Variants in CCDC148 observed in about 807,000 individuals in gnomAD.
CCDC148 encodes coiled-coil domain containing 148.
In CCDC148, 89 loss-of-function variants were observed where a neutral mutation model predicts 85.7. That is an observed-to-expected ratio of 1.04 (90% confidence interval 0.87 to 1.24). The LOEUF is 1.24. CCDC148 is among the 50% of genes most tolerant of loss of function. CCDC148 has a pLI of 0.00. For missense variants in CCDC148, 692 were observed against 671.7 expected, an observed-to-expected ratio of 1.03 and a Z score of -0.33; for synonymous variants, 230 against 213.9, an observed-to-expected ratio of 1.08 and a Z score of -0.66.
intron 10 of CCDC148, among the ~76,000 whole-genome samples, chr2:158,242,088 A>T (rs900483755): frequency 4.6e-5 from 7 of 152,054 alleles, no homozygotes; most frequent in Non-Finnish European, 7.4e-5. Flanking sequence ...TTCTTACTTG[A>T]CCTTTCAATG....
intron 12 of CCDC148, among the ~76,000 whole-genome samples, chr2:158,177,620 A>T (rs1169887789): frequency 6.6e-6 from 1 of 152,168 alleles, no homozygotes; most frequent in African/African-American, 2.4e-5. Flanking sequence ...AGTAATAGTG[A>T]CATTAAGTCT....
intron 7 of CCDC148, among the ~76,000 whole-genome samples, chr2:158,326,467 G>A (rs1000704448): frequency 7.2e-5 from 11 of 152,110 alleles, no homozygotes; most frequent in East Asian, 1.9e-4. Context: ...ATGAGTACAC[G>A]AATTTTTGTA....
At chr2:158,236,943 G>C (rs1242999395) in intron 10 of CCDC148, among the ~76,000 whole-genome samples, 1 of 152,094 alleles carries the variant, frequency 6.6e-6, no homozygotes, top group Non-Finnish European at 1.5e-5. Context: ...CAAGTGCTAA[G>C]GAAAAAATGA....
At chr2:158,226,725 T>C (rs1289771528) in intron 10 of CCDC148, among the ~76,000 whole-genome samples, 1 of 152,190 alleles carries the variant, frequency 6.6e-6, no homozygotes, top group Non-Finnish European at 1.5e-5. Flanking sequence ...TCTCAATAGA[T>C]GCAGAAAAGG....
chr2:158,351,294 G>A (rs555457375), intron 2 of CCDC148, among the ~76,000 whole-genome samples: 19 of 152,280 alleles, frequency 1.2e-4, no homozygotes, highest in African/African-American at 2.2e-4. Context: ...CGCAGAAGAC[G>A]GGTGATTTCT....
intron 1 of CCDC148, among the ~76,000 whole-genome samples, chr2:158,367,515 T>C (rs1249192659): frequency 6.6e-6 from 1 of 152,180 alleles, no homozygotes; most frequent in African/African-American, 2.4e-5. Flanking sequence ...TTTTGCAGAT[T>C]CCCTTTTGGC....
chr2:158,184,425 G>C (rs1372165462), intron 11 of CCDC148, among the ~76,000 whole-genome samples: 1 of 152,058 alleles, frequency 6.6e-6, no homozygotes, highest in Non-Finnish European at 1.5e-5. Context: ...TTATAATAGT[G>C]GGGGGAAATA....
chr2:158,322,419 T>C (rs568514395), intron 7 of CCDC148, among the ~76,000 whole-genome samples: 44 of 152,210 alleles, frequency 2.9e-4, no homozygotes, highest in Middle Eastern at 3.4e-3. Context: ...TGGATATGAT[T>C]CAAAACAGGA....
rs1469758169 is a variant in CCDC148, at chr2:158,373,589, G to C, written c.26-15019C>G. On this transcript the variant is annotated intron_variant, in intron 1 of 13. Coordinates refer to ENST00000283233, the MANE Select transcript of CCDC148 (RefSeq NM_138803.4). The stretch of plus-strand genomic sequence containing the variant: ...ACAGAGATGATCTTTCCTTTCCCTT[G>C]TACTACTATTACACTTTGTGTTTGC... 2.0e-5 allele frequency among the ~76,000 whole-genome samples: 3 copies of C among 151,864 alleles called. No individual in the cohort carries two copies. In the East Asian group the frequency reaches 5.8e-4, roughly 29 times the overall value.
chr2:158,295,174 G>T (rs1051126074), intron 9 of CCDC148, among the ~76,000 whole-genome samples: 10 of 152,050 alleles, frequency 6.6e-5, no homozygotes, highest in Non-Finnish European at 1.3e-4. Flanking sequence ...ACTAAACCAG[G>T]AAGAAGTTGA....
chr2:158,222,205 T>C (rs1687221194), intron 10 of CCDC148, among the ~76,000 whole-genome samples: 1 of 152,180 alleles, frequency 6.6e-6, no homozygotes. Flanking sequence ...TAATACTTCC[T>C]TACTCCCAGC....
intron 1 of CCDC148, among the ~76,000 whole-genome samples, chr2:158,364,889 G>GA (rs935510177): frequency 5.3e-5 from 8 of 151,940 alleles, no homozygotes; most frequent in Admixed American, 6.6e-5. Flanking sequence ...TACAGAATGG[G>GA]AAAAAAATTT....
At chr2:158,276,944 C>A (rs1371046366) in intron 9 of CCDC148, among the ~76,000 whole-genome samples, 1 of 152,162 alleles carries the variant, frequency 6.6e-6, no homozygotes, top group Non-Finnish European at 1.5e-5. Context: ...AACTGCCCAG[C>A]TAATACTAGA....
chr2:158,425,716 GCC>G (rs1687045829), intron 1 of CCDC148, among the ~76,000 whole-genome samples: 1 of 152,116 alleles, frequency 6.6e-6, no homozygotes, highest in African/African-American at 2.4e-5. Context: ...TAAATAGCCA[GCC>G]ACAGTGACAC....
rs1292138100 is a variant in CCDC148, at chr2:158,284,195, A to T, written c.1110+25238T>A. Among the ~76,000 whole-genome samples the T allele has an allele frequency of 3.6e-5, 5 of 137,872 alleles. No homozygotes were observed. In the East Asian group the frequency reaches 1.1e-3, roughly 30 times the overall value. The allele number at this position is 137,872 out of a possible 152,430, so 90.4% of individuals were successfully genotyped here. On this transcript the variant is annotated intron_variant, in intron 9 of 13. Transcript: ENST00000283233. Reference sequence around the variant, plus strand: ...ATGCTAGATGACGAGTTAGTGGGTGAAGCGCACCAGCATGTCACATGTATA... The same window carrying T: ...ATGCTAGATGACGAGTTAGTGGGTGTAGCGCACCAGCATGTCACATGTATA...
At chr2:158,283,295 A>G (rs1222256692) in intron 9 of CCDC148, among the ~76,000 whole-genome samples, 2 of 152,312 alleles carry the variant, frequency 1.3e-5, no homozygotes, top group South Asian at 2.1e-4. Context: ...TAATTAAACT[A>G]AAGAGCTTCT....
chr2:158,312,593 AAAAACC>A (rs1692084744), intron 8 of CCDC148, among the ~76,000 whole-genome samples: 1 of 150,616 alleles, frequency 6.6e-6, no homozygotes, highest in South Asian at 2.1e-4. Flanking sequence ...AAAAAAAAAA[AAAAACC>A]AAAAAACAAA....
chr2:158,347,987 G>A (rs1458082964), intron 2 of CCDC148, among the ~76,000 whole-genome samples: 1 of 152,034 alleles, frequency 6.6e-6, no homozygotes, highest in Non-Finnish European at 1.5e-5. Flanking sequence ...AACACTGTGA[G>A]GCTACAGAAA....
At chr2:158,434,659 C>T (rs968394887) in intron 1 of CCDC148, among the ~76,000 whole-genome samples, 2 of 152,138 alleles carry the variant, frequency 1.3e-5, no homozygotes, top group African/African-American at 4.8e-5. Context: ...ATCAGACGAT[C>T]GGTAATAACA....
Sources: gnomAD v4.1 joint callset for allele counts (sites outside exome capture counted in the v4.1 genomes callset) on GRCh38, gnomAD v4.1.1 for gene constraint, MANE v1.5 for transcripts, NCBI Gene and HGNC (gene_info 2026-07-23, HGNC 2026-07-21) for gene names.